Variants in FER observed in about 807,000 individuals in gnomAD.
The protein encoded by FER is FER tyrosine kinase, also known as tyrosine-protein kinase Fer.
Under a neutral mutation model 111.0 loss-of-function variants are expected in FER, and 63 were observed. The ratio of observed to expected loss-of-function variants is 0.57; its 90% CI spans 0.46 to 0.70. The LOEUF (loss-of-function observed/expected upper bound fraction) is 0.70, where lower values mean the gene tolerates loss of function less well. FER is among the 30% of genes least tolerant of loss of function. The pLI is 0.00. For synonymous variants in FER, 327 were observed against 313.9 expected (o/e 1.04, Z -0.44); for missense variants, 914 against 954.0 (o/e 0.96, Z 0.55).
At chr5:108,858,321 A>G (rs1351333606) in intron 5 of FER, among the ~76,000 whole-genome samples, 1 of 152,232 alleles carries the variant, frequency 6.6e-6, no homozygotes, top group Non-Finnish European at 1.5e-5. Context: ...TAATTTCAGT[A>G]TTGCTAACTC....
chr5:109,076,025 CTT>C (rs1004041524), intron 16 of FER, among the ~76,000 whole-genome samples: 4 of 151,940 alleles, frequency 2.6e-5, no homozygotes, highest in African/African-American at 9.7e-5. Flanking sequence ...AACACATACT[CTT>C]TTAACATTAT....
chr5:109,063,064 G>T (rs1029327337), intron 16 of FER, among the ~76,000 whole-genome samples: 1 of 151,824 alleles, frequency 6.6e-6, no homozygotes, highest in Non-Finnish European at 1.5e-5. Context: ...TTTATTTTAG[G>T]CTTAGAAATT....
At chr5:108,772,338 A>G (rs1261142184) in intron 2 of FER, among the ~76,000 whole-genome samples, 1 of 150,860 alleles carries the variant, frequency 6.6e-6, no homozygotes, top group Non-Finnish European at 1.5e-5. Flanking sequence ...ATATACACAT[A>G]TATATGTATA....
intron 1 of FER, among the ~76,000 whole-genome samples, chr5:108,759,895 C>G (rs564712359): frequency 6.6e-6 from 1 of 152,268 alleles, no homozygotes; most frequent in African/African-American, 2.4e-5. Context: ...AGCACACATT[C>G]AAACTATAGC....
chr5:108,884,512 G>GTTTT (rs776345488), intron 9 of FER, among the ~76,000 whole-genome samples: 115 of 144,578 alleles, frequency 8.0e-4, no homozygotes, highest in Admixed American at 1.6e-3. Flanking sequence ...CTTATGCCTG[G>GTTTT]TTTTTTTTTT....
intron 1 of FER, among the ~76,000 whole-genome samples, chr5:108,749,836 G>C (rs957070406): frequency 6.6e-6 from 1 of 152,118 alleles, no homozygotes; most frequent in Non-Finnish European, 1.5e-5. Flanking sequence ...TTCTGAATAC[G>C]CTCATTGGGT....
intron 2 of FER, among the ~76,000 whole-genome samples, chr5:108,769,337 A>T (rs1464757470): frequency 1.3e-5 from 2 of 152,116 alleles, no homozygotes; most frequent in African/African-American, 4.8e-5. Context: ...ATTAGAAGGA[A>T]TATGGTGTGC....
At chr5:108,837,523 A>G (rs922544648) in intron 5 of FER, among the ~76,000 whole-genome samples, 7 of 152,214 alleles carry the variant, frequency 4.6e-5, no homozygotes, top group African/African-American at 1.4e-4. Flanking sequence ...CATTGCAAAT[A>G]TCCATATCTA....
chr5:108,898,198 C>T (rs1455703765), intron 10 of FER, among the ~76,000 whole-genome samples: 1 of 152,024 alleles, frequency 6.6e-6, no homozygotes, highest in Non-Finnish European at 1.5e-5. Flanking sequence ...TTTTTTTCTT[C>T]TTAAGTAGAA....
At chr5:109,184,912 A>C (rs1758692808) in intron 18 of FER, among the ~76,000 whole-genome samples, 1 of 152,164 alleles carries the variant, frequency 6.6e-6, no homozygotes, top group Non-Finnish European at 1.5e-5. Flanking sequence ...TTGGAGGAGG[A>C]GTATTTATAA....
chr5:108,933,844 A>G (rs7723942), intron 10 of FER, among the ~76,000 whole-genome samples: 42,974 of 151,738 alleles, frequency 0.28, 6,721 homozygotes, highest in African/African-American at 0.43. Context: ...GTATTCCTAG[A>G]TATTTTATTC....
At chr5:109,056,112 A>C (rs1027462804) in intron 16 of FER, among the ~76,000 whole-genome samples, 2 of 152,216 alleles carry the variant, frequency 1.3e-5, no homozygotes, top group African/African-American at 2.4e-5. Flanking sequence ...AATCCTGTAC[A>C]CTGTCGGTAG....
chr5:109,118,907 G>A (rs547779793), intron 17 of FER, among the ~76,000 whole-genome samples: 2 of 149,444 alleles, frequency 1.3e-5, no homozygotes, highest in East Asian at 2.0e-4. Context: ...TTCTTTATTA[G>A]TCTTGCTAGC....
intron 17 of FER, among the ~76,000 whole-genome samples, chr5:109,134,196 A>G (rs1485383630): frequency 6.6e-6 from 1 of 152,118 alleles, no homozygotes; most frequent in Non-Finnish European, 1.5e-5. Flanking sequence ...TGGTATAATA[A>G]AAGCTCGAAT....
At position 108,993,452 on chromosome 5, in the gene FER, T is replaced by G. The variant is rs894448426; in HGVS notation, c.1656+34105T>G. 3.3e-5 allele frequency among the ~76,000 whole-genome samples: 5 copies of G among 151,850 alleles called. No homozygotes were observed. In the South Asian group the frequency reaches 6.2e-4, roughly 19 times the overall value. On this transcript the variant is annotated intron_variant, in intron 13 of 19. Transcript: ENST00000281092. Reference sequence around the variant, plus strand: ...CACTCGCCAGGCTGAGGCAGGAGAATCAGGCAGGGAGGATGCAGTGAGCCG... The same window carrying G: ...CACTCGCCAGGCTGAGGCAGGAGAAGCAGGCAGGGAGGATGCAGTGAGCCG...
At position 109,124,587 on chromosome 5, in the gene FER, T is replaced by TTTGTTG. The variant is rs148987260; in HGVS notation, c.2048+24098_2048+24103dup. ...TAGAAGACAGACATTTTTTAATAGTTTTGTTGTTGTTGTTGTTGTTGTTGT... is the reference window on the plus strand; with the variant it reads ...TAGAAGACAGACATTTTTTAATAGTTTTGTTGTTGTTGTTGTTGTTGTTGTTGTTGT... On this transcript the variant is annotated intron_variant, in intron 17 of 19. Transcript: ENST00000281092. 1.7e-3 allele frequency among the ~76,000 whole-genome samples: 254 copies of TTTGTTG among 150,168 alleles called. 1 individual carries two copies. Among genetic ancestry groups the TTTGTTG allele is most frequent in the East Asian group, 7.6e-3 (39 of 5,128 alleles).
At chr5:109,164,476 C>G (rs1756329369) in intron 17 of FER, among the ~76,000 whole-genome samples, 1 of 152,202 alleles carries the variant, frequency 6.6e-6, no homozygotes, top group Non-Finnish European at 1.5e-5. Flanking sequence ...ATACTGCTGA[C>G]ATTCCATCTA....
intron 13 of FER, among the ~76,000 whole-genome samples, chr5:109,017,152 T>G (rs759153348): frequency 4.6e-5 from 7 of 152,020 alleles, no homozygotes; most frequent in Non-Finnish European, 8.8e-5. Context: ...TATTACAGGC[T>G]TTTTACTGAA....
chr5:109,101,240 A>G (rs1405200407), intron 17 of FER, among the ~76,000 whole-genome samples: 1 of 151,976 alleles, frequency 6.6e-6, no homozygotes, highest in Non-Finnish European at 1.5e-5. Context: ...AAATAAGCAC[A>G]ATGAAGTGGA....
Sources: gnomAD v4.1 joint callset for allele counts (sites outside exome capture counted in the v4.1 genomes callset) on GRCh38, gnomAD v4.1.1 for gene constraint, MANE v1.5 for transcripts, NCBI Gene and HGNC (gene_info 2026-07-23, HGNC 2026-07-21) for gene names.